PDGFRB: variants seen among roughly 807,000 people sequenced by gnomAD.
PDGFRB encodes platelet-derived growth factor receptor beta.
A neutral mutation model predicts 120.2 loss-of-function variants in PDGFRB; 42 were observed. The observed-to-expected ratio is 0.35, with a 90% CI of 0.27 to 0.45. The LOEUF is 0.45. PDGFRB is among the 20% of genes least tolerant of loss of function. PDGFRB has a pLI of 1.00. For synonymous variants in PDGFRB, 586 were observed against 606.8 expected, an observed-to-expected ratio of 0.97 and a Z score of 0.50; for missense variants, 1,149 against 1,476.3, an observed-to-expected ratio of 0.78 and a Z score of 3.63.
At chr5:150,148,309 C>T (rs901399314) in intron 1 of PDGFRB, among the ~76,000 whole-genome samples, 7 of 152,240 alleles carry the variant, frequency 4.6e-5, no homozygotes, top group African/African-American at 9.6e-5. Context: ...ATTAGGCCTA[C>T]AGTAGGTGCT....
chr5:150,128,906 A>T (rs1293447860), intron 10 of PDGFRB, among the ~76,000 whole-genome samples: 3 of 152,160 alleles, frequency 2.0e-5, no homozygotes, highest in South Asian at 2.1e-4. Context: ...GGGTCCTCAT[A>T]TTTATCGAAT....
At chr5:150,126,260 A>G (rs1390331480) in intron 11 of PDGFRB, among the ~76,000 whole-genome samples, 1 of 152,136 alleles carries the variant, frequency 6.6e-6, no homozygotes, top group Non-Finnish European at 1.5e-5. Context: ...GATGAGAGGA[A>G]TGGTGTCTCA....
At chr5:150,130,006 TC>T (rs777631460) in intron 9 of PDGFRB, 38 bp from the exon 10 acceptor site, 2 of 1,500,268 alleles carry the variant, frequency 1.3e-6, no homozygotes, top group Non-Finnish European at 1.9e-6. Context: ...GCCAGCCCCT[TC>T]CCCTTGCAGA....
Position 150,129,937 on chromosome 5 carries a change from C to T in PDGFRB, c.1399G>A (p.Gly467Arg), listed in dbSNP as rs776406062. 2.5e-6 allele frequency: 4 copies of T among 1,613,958 alleles called. No homozygotes were observed. The highest frequency in any genetic ancestry group is 3.4e-6 in the Non-Finnish European group (4 of 1,180,050). ...CPRELPPTLL[G>R]NSSEEESQLE... ...TGGCTCTCCTCTTCGGAACTGTTCC[C>T]CAGCAGCGTGGGCGGCAGCTCACGT... Residue 467 changes from glycine (G) to arginine (R), a missense_variant, in exon 10 of 23, where the codon GGG (glycine) becomes AGG (arginine). This residue lies in a region of PDGFRB where 879 missense variants were observed against 1,108.6 expected (regional missense o/e 0.79). Transcript: ENST00000261799.
Position 150,132,978 on chromosome 5 carries a change from G to T in PDGFRB, c.935-36C>A, listed in dbSNP as rs757964378. The stretch of plus-strand genomic sequence containing the variant: ...TGACCGTCAGGGGCGGGGCCCTGGG[G>T]GCAGGGCACCAACTGAATCCCAAAG... On this transcript the variant is annotated intron_variant, in intron 6 of 22. Transcript: ENST00000261799. The surrounding 1 kb of genome is among the most constrained non-coding windows in gnomAD (Gnocchi z 5.0). 4.8e-6 allele frequency: 7 copies of T among 1,451,018 alleles called. No individual in the cohort carries two copies. Among genetic ancestry groups the T allele is most frequent in the Non-Finnish European group, 4.7e-6 (5 of 1,064,194 alleles). 89.9% of individuals were successfully genotyped at this position (1,451,018 alleles called of 1,614,324 possible). A position where few individuals can be genotyped will look rare whatever the true frequency, so the allele number is the denominator to read the frequency against.
At position 150,125,048 on chromosome 5, in the gene PDGFRB, T is replaced by G. The variant is rs73277731; in HGVS notation, c.1808-217A>C. Among the ~76,000 whole-genome samples, 4,637 of 152,188 alleles carry G rather than the reference T, an allele frequency of 0.03. 251 individuals carry two copies. Among genetic ancestry groups the G allele is most frequent in the African/African-American group, 0.11 (4,426 of 41,500 alleles). ...CACTCCTGCAACCACAATACCTCCC[T>G]GTCTTTCCTGGTATCTCATCTAAGT... is the stretch of plus-strand genomic sequence containing the variant. On this transcript the variant is annotated intron_variant, in intron 12 of 22. Coordinates refer to ENST00000261799, the MANE Select transcript of PDGFRB (RefSeq NM_002609.4).
chr5:150,129,776 C>T lies in PDGFRB; in HGVS notation c.1560G>A (p.Glu520=). ...ACTCACAGTGTGGCACCACGATGAC[C>T]TCCTGCGTGTCCTGGCCCACAGCGT... ...LRNAVGQDTQ[E]VIVVPHSLPF... Residue 520 remains glutamate, a synonymous_variant, in exon 10 of 23, where the codon GAG becomes GAA. Coordinates refer to ENST00000261799, the MANE Select transcript of PDGFRB (RefSeq NM_002609.4). 1.2e-6 allele frequency: 2 copies of T among 1,613,472 alleles called. No homozygotes were observed. The highest frequency in any genetic ancestry group is 1.7e-6 in the Non-Finnish European group (2 of 1,179,832).
chr5:150,117,031 G>GT (rs1759958421), intron 22 of PDGFRB, among the ~76,000 whole-genome samples: 1 of 152,186 alleles, frequency 6.6e-6, no homozygotes, highest in African/African-American at 2.4e-5. Context: ...GAGATCCTGC[G>GT]TGGACATCAA....
intron 8 of PDGFRB, 74 bp downstream of exon 8, chr5:150,131,905 C>T: frequency 1.3e-6 from 1 of 768,344 alleles, no homozygotes; most frequent in Non-Finnish European, 2.3e-6. Flanking sequence ...GGTGGGTGGA[C>T]AGTGCAGGAA....
chr5:150,139,687 A>C (rs916192118), intron 1 of PDGFRB, among the ~76,000 whole-genome samples: 1 of 131,188 alleles, frequency 7.6e-6, no homozygotes, highest in African/African-American at 3.1e-5. Context: ...TATACAATTA[A>C]GAGTTAGACC....
intron 1 of PDGFRB, chr5:150,154,014 G>C (rs1195679017): frequency 6.6e-6 from 1 of 152,170 alleles, no homozygotes; most frequent in African/African-American, 2.4e-5. Flanking sequence ...AGAAAGTGCG[G>C]CCTCAGTTCT....
chr5:150,116,640 T>TA (rs1176501037), intron 22 of PDGFRB, among the ~76,000 whole-genome samples: 228 of 141,146 alleles, frequency 1.6e-3, no homozygotes, highest in South Asian at 7.7e-3. Context: ...ATAAAAATAA[T>TA]AAAAAAAAAA....
At chr5:150,143,897 T>C (rs1392198026) in intron 1 of PDGFRB, among the ~76,000 whole-genome samples, 1 of 151,956 alleles carries the variant, frequency 6.6e-6, no homozygotes, top group African/African-American at 2.4e-5. Flanking sequence ...CTCTAAGGGC[T>C]ACAGAAAGAG....
At chr5:150,126,374 A>T (rs1302828479) in intron 11 of PDGFRB, 146 bp downstream of exon 11, 13 of 654,016 alleles carry the variant, frequency 2.0e-5, no homozygotes, top group Non-Finnish European at 3.1e-5. Context: ...AAGCTGAGAC[A>T]GCCAGCGTCA....
intron 20 of PDGFRB, 89 bp downstream of exon 20, chr5:150,119,378 A>G: frequency 2.5e-6 from 2 of 789,752 alleles, no homozygotes; most frequent in Non-Finnish European, 4.5e-6. Flanking sequence ...CTGAGCTAAC[A>G]AATCTCTCAT....
intron 22 of PDGFRB, among the ~76,000 whole-genome samples, chr5:150,116,708 G>A (rs1759944157): frequency 6.6e-6 from 1 of 152,098 alleles, no homozygotes; most frequent in Non-Finnish European, 1.5e-5. Flanking sequence ...ACAAAACAGG[G>A]TGAGCATTCA....
chr5:150,126,742 C>A, intron 10 of PDGFRB, 128 bp from the exon 11 acceptor site: 1 of 679,812 alleles, frequency 1.5e-6, no homozygotes, highest in South Asian at 1.6e-5. Flanking sequence ...TCCCCATCAG[C>A]CTGCAGTGTC....
At chr5:150,154,702 C>T (rs1050054670) in intron 1 of PDGFRB, among the ~76,000 whole-genome samples, 4 of 152,150 alleles carry the variant, frequency 2.6e-5, no homozygotes, top group Admixed American at 1.3e-4. Context: ...CTGCCTGGGA[C>T]CAAAGGAAAT....
At chr5:150,129,358 T>A (rs1276387688) in intron 10 of PDGFRB, among the ~76,000 whole-genome samples, 6 of 152,108 alleles carry the variant, frequency 3.9e-5, no homozygotes, top group Admixed American at 2.6e-4. Context: ...CACAGGTGTA[T>A]GCTTATACAC....
Sources: allele counts gnomAD v4.1 joint callset (sites outside exome capture counted in the v4.1 genomes callset), GRCh38; gene constraint gnomAD v4.1.1; regional missense constraint gnomAD v4.1.1; non-coding constraint Gnocchi (gnomAD v3.1); transcripts MANE v1.5; gene names NCBI Gene and HGNC (gene_info 2026-07-23, HGNC 2026-07-21).